The following IGSF10 variants were observed in gnomAD, a reference collection of about 807,000 sequenced individuals.
IGSF10 encodes calvaria mechanical force protein 608.
IGSF10 carries 126 observed loss-of-function variants against 128.2 expected under a neutral mutation model. The ratio of observed to expected loss-of-function variants is 0.98; its 90% CI spans 0.85 to 1.14. The LOEUF is 1.14. IGSF10 is among the 50% of genes most tolerant of loss of function. The pLI is 0.00. For missense variants in IGSF10, 3,295 were observed against 3,149.8 expected (o/e 1.05, Z -1.10); for synonymous variants, 1,185 against 1,146.2 (o/e 1.03, Z -0.68).
chr3:151,510,781 A>G, the IGSF10 span, among the ~76,000 whole-genome samples: 1 of 152,218 alleles, frequency 6.6e-6, no homozygotes, highest in Non-Finnish European at 1.5e-5. Flanking sequence ...GACCTGATGG[A>G]GCTGAAAACC....
the IGSF10 span, among the ~76,000 whole-genome samples, chr3:151,498,510 C>T: frequency 1.7e-4 from 26 of 152,154 alleles, no homozygotes; most frequent in Admixed American, 9.2e-4. Context: ...GTTCAACGTA[C>T]ACAAATCAAT....
At chr3:151,508,507 T>A in the IGSF10 span, among the ~76,000 whole-genome samples, 3 of 152,114 alleles carry the variant, frequency 2.0e-5, no homozygotes, top group Non-Finnish European at 4.4e-5. Context: ...CTTTTGATTG[T>A]TTGGGAAACT....
At chr3:151,508,618 G>A in the IGSF10 span, among the ~76,000 whole-genome samples, 3 of 152,092 alleles carry the variant, frequency 2.0e-5, no homozygotes, top group Non-Finnish European at 4.4e-5. Context: ...GTGATCCTAT[G>A]TTGGTCAAAT....
the IGSF10 span, among the ~76,000 whole-genome samples, chr3:151,535,874 T>C: frequency 6.6e-6 from 1 of 152,244 alleles, no homozygotes; most frequent in Non-Finnish European, 1.5e-5. Flanking sequence ...AAACTCATTT[T>C]TGAAATTGAT....
At chr3:151,588,459 C>T in the IGSF10 span, among the ~76,000 whole-genome samples, 1 of 152,116 alleles carries the variant, frequency 6.6e-6, no homozygotes, top group Admixed American at 6.6e-5. Flanking sequence ...TATAGCAAAA[C>T]TTCTCTGGGG....
the IGSF10 span, among the ~76,000 whole-genome samples, chr3:151,553,896 T>G: frequency 3.8e-4 from 58 of 151,904 alleles, no homozygotes; most frequent in Admixed American, 2.6e-3. Context: ...GGAGGAGCAC[T>G]TGAAGACAGA....
At chr3:151,438,705 G>A in intron 7 of IGSF10, 108 bp from the exon 8 acceptor site, 2 of 734,890 alleles carry the variant, frequency 2.7e-6, no homozygotes, top group South Asian at 3.7e-5. Context: ...CATGACCAAT[G>A]AAAATTGTGT....
intron 3 of IGSF10, among the ~76,000 whole-genome samples, chr3:151,457,620 G>T (rs577776620): frequency 7.6e-4 from 116 of 152,256 alleles, no homozygotes; most frequent in African/African-American, 2.7e-3. Flanking sequence ...AGGCTCAACA[G>T]AGTAGTGGTA....
chr3:151,434,860 T>TAATC (rs775628720), downstream of IGSF10: 11 of 152,370 alleles, frequency 7.2e-5, no homozygotes, highest in East Asian at 5.8e-4. Context: ...GTTAAATTAT[T>TAATC]AATCATTTTG....
the IGSF10 span, among the ~76,000 whole-genome samples, chr3:151,601,816 C>T: frequency 2.2e-3 from 335 of 152,294 alleles, no homozygotes; most frequent in Non-Finnish European, 4.1e-3. Flanking sequence ...AAATTCTGTG[C>T]TTATATGAGT....
chr3:151,538,303 ATTTC>A, the IGSF10 span, among the ~76,000 whole-genome samples: 101 of 152,272 alleles, frequency 6.6e-4, no homozygotes, highest in South Asian at 0.011. Context: ...TGCTTAATAT[ATTTC>A]TTTAATTATT....
At chr3:151,519,306 G>T in the IGSF10 span, among the ~76,000 whole-genome samples, 2 of 151,478 alleles carry the variant, frequency 1.3e-5, no homozygotes, top group Non-Finnish European at 3.0e-5. Flanking sequence ...TAAGTTTTAG[G>T]GCCCTCACTT....
chr3:151,605,403 C>T, the IGSF10 span, among the ~76,000 whole-genome samples: 2 of 152,162 alleles, frequency 1.3e-5, no homozygotes, highest in East Asian at 3.9e-4. Flanking sequence ...TCAGCTGTTA[C>T]AGCAAATAGT....
the IGSF10 span, among the ~76,000 whole-genome samples, chr3:151,555,839 CT>C: frequency 6.6e-6 from 1 of 152,126 alleles, no homozygotes; most frequent in Non-Finnish European, 1.5e-5. Context: ...CACTATATTC[CT>C]TAAAAGATAA....
At chr3:151,505,945 CTTCCTTTTTTTTTTTTTTT>C in the IGSF10 span, among the ~76,000 whole-genome samples, 124,167 of 151,192 alleles carry the variant, frequency 0.82, 50,917 homozygotes, top group Middle Eastern at 0.93. Flanking sequence ...CTTGCTTCTT[CTTCCTTTTTTTTTTTTTTT>C]TTTTTGAGAT....
At chr3:151,547,016 C>G in the IGSF10 span, among the ~76,000 whole-genome samples, 13 of 38,000 alleles carry the variant, frequency 3.4e-4, no homozygotes, top group East Asian at 1.1e-3. Flanking sequence ...GGCGATCCAC[C>G]CCCCCCTTGG....
At position 151,437,754 on chromosome 3, in the gene IGSF10, A is replaced by C; in HGVS notation, c.6807T>G (p.Pro2269=). 6.2e-7 allele frequency: 1 copy of C among 1,614,018 alleles called. No individual in the cohort carries two copies. Among genetic ancestry groups the C allele is most frequent in the Non-Finnish European group, 8.5e-7 (1 of 1,179,970 alleles). Residue 2269 remains proline (P), a synonymous_variant, in exon 8 of 8, where the codon CCT becomes CCG. Coordinates refer to ENST00000282466, the MANE Select transcript of IGSF10 (RefSeq NM_178822.5). ...FDCRAEGTPS[P]EVMWIMPDNI... ...TGTCTGGCATGATCCACATGACTTC[A>C]GGAGATGGTGTCCCTTCAGCTCTGC... is the stretch of plus-strand genomic sequence containing the variant.
the IGSF10 span, among the ~76,000 whole-genome samples, chr3:151,598,893 A>G: frequency 1.3e-5 from 2 of 152,222 alleles, no homozygotes; most frequent in Admixed American, 6.5e-5. Flanking sequence ...TAGCTTAACA[A>G]TAAGTGAGTT....
intron 4 of IGSF10, 130 bp from the exon 5 acceptor site, chr3:151,453,904 T>A (rs867730567): frequency 3.7e-6 from 2 of 541,298 alleles, no homozygotes; most frequent in South Asian, 3.3e-5. Flanking sequence ...AGGATCCCAA[T>A]TCAATCAAAT....
Sources: gnomAD v4.1 joint callset for allele counts (sites outside exome capture counted in the v4.1 genomes callset) on GRCh38, gnomAD v4.1.1 for gene constraint, MANE v1.5 for transcripts, NCBI Gene and HGNC (gene_info 2026-07-23, HGNC 2026-07-21) for gene names.